The following PHF20L1 variants were observed in gnomAD, a reference collection of about 807,000 sequenced individuals.
The protein encoded by PHF20L1 is PHD finger protein 20-like protein 1.
Under a neutral mutation model 125.5 loss-of-function variants are expected in PHF20L1, and 44 were observed. That is an observed-to-expected ratio of 0.35 (90% confidence interval 0.28 to 0.45). The LOEUF (loss-of-function observed/expected upper bound fraction) is 0.45. Among genes scored for constraint, PHF20L1 ranks in the 20% least tolerant of loss-of-function variants. The pLI is 1.00. For synonymous variants in PHF20L1, 380 were observed against 403.1 expected (o/e 0.94, Z 0.69); for missense variants, 1,012 against 1,217.2 (o/e 0.83, Z 2.51).
intron 2 of PHF20L1, among the ~76,000 whole-genome samples, chr8:132,784,200 C>G (rs1343050395): frequency 1.3e-5 from 2 of 152,234 alleles, no homozygotes; most frequent in East Asian, 1.9e-4. Flanking sequence ...TGTTCTTGCT[C>G]TAGTGTTCTT....
intron 9 of PHF20L1, chr8:132,811,415 C>T: frequency 2.8e-6 from 3 of 1,065,432 alleles, no homozygotes; most frequent in Non-Finnish European, 3.4e-6. Context: ...CTTTAACTAG[C>T]TTACAAAAAG....
chr8:132,794,667 C>T (rs951925968), intron 3 of PHF20L1, 66 bp from the exon 4 acceptor site: 15 of 1,499,422 alleles, frequency 1.0e-5, no homozygotes, highest in East Asian at 2.3e-5. Context: ...TATACAAAAG[C>T]CTGTTTTTGT....
intron 8 of PHF20L1, 29 bp downstream of exon 8, chr8:132,804,769 G>C: frequency 6.4e-7 from 1 of 1,561,604 alleles, no homozygotes; most frequent in African/African-American, 1.4e-5. Flanking sequence ...TTTTTTGAGG[G>C]GGGGAAATGG....
intron 9 of PHF20L1, chr8:132,812,254 T>C: frequency 2.0e-6 from 2 of 983,780 alleles, no homozygotes; most frequent in Non-Finnish European, 2.4e-6. Flanking sequence ...CACCACTGTT[T>C]ATGGTATTCT....
At chr8:132,804,581 A>G in intron 7 of PHF20L1, 34 bp from the exon 8 acceptor site, 1 of 1,542,526 alleles carries the variant, frequency 6.5e-7, no homozygotes, top group Non-Finnish European at 8.8e-7. Context: ...TGGATTCTAG[A>G]TAAACTCTCA....
At chr8:132,826,537 C>T (rs1160415914) in intron 14 of PHF20L1, 2 of 151,984 alleles carry the variant, frequency 1.3e-5, no homozygotes, top group Admixed American at 1.3e-4. Flanking sequence ...ATCTCAGGAA[C>T]AAAATGGTAA....
chr8:132,839,625 G>C lies in PHF20L1; in HGVS notation c.2387+43G>C, dbSNP rs752001331. On this transcript the variant is annotated intron_variant, in intron 18 of 20. Transcript: ENST00000395386. ...AAGGGAGGGTCACACTTCAGTGGAC[G>C]TTTTAATTCAAACCAACACTGTTGG... The C allele has an allele frequency of 3.0e-5, 42 of 1,419,224 alleles. No individual in the cohort carries two copies. In the Admixed American group the frequency reaches 6.5e-4, roughly 22 times the overall value. The allele number at this position is 1,419,224 out of a possible 1,614,324, so 87.9% of individuals were successfully genotyped here.
At position 132,848,628 on chromosome 8, in the gene PHF20L1, T is replaced by C. The variant is rs1364193012; in HGVS notation, c.*2705T>C. ...TTGTTTGTGGTTCTACTGACTTATTTCCAAACTTAAGAGTAATGTACTTCG... is the reference window on the plus strand; with the variant it reads ...TTGTTTGTGGTTCTACTGACTTATTCCCAAACTTAAGAGTAATGTACTTCG... On this transcript the variant is annotated 3_prime_UTR_variant, in exon 21 of 21. Transcript: ENST00000395386. 1 of 152,522 alleles carries C rather than the reference T, an allele frequency of 6.6e-6. No individual in the cohort carries two copies. The highest frequency in any genetic ancestry group is 2.4e-5 in the African/African-American group (1 of 41,448). The allele number at this position is 152,522 out of a possible 1,614,324, so 9.4% of individuals were successfully genotyped here. A position where few individuals can be genotyped will look rare whatever the true frequency, so the allele number is the denominator to read the frequency against.
chr8:132,833,374 A>G (rs1387615557), intron 15 of PHF20L1, among the ~76,000 whole-genome samples: 1 of 152,050 alleles, frequency 6.6e-6, no homozygotes. Context: ...TTATTTTTAG[A>G]ACCTTGAGGT....
intron 12 of PHF20L1, chr8:132,817,777 C>A: frequency 4.8e-6 from 2 of 413,394 alleles, no homozygotes; most frequent in Non-Finnish European, 8.6e-6. Context: ...GTCACTTGAT[C>A]TATTTCCTTC....
rs1307557668 is a variant in PHF20L1 at position 132,848,254 on chromosome 8, T to C, written c.*2331T>C. On this transcript the variant is annotated 3_prime_UTR_variant, in exon 21 of 21. Transcript: ENST00000395386. The stretch of plus-strand genomic sequence containing the variant: ...CTTATATGTATACGAACTGGAAATC[T>C]GAATTTTTAAATTTAGATCTTTAAA... 1 of 152,336 alleles carries C rather than the reference T, an allele frequency of 6.6e-6. No homozygotes were observed. The highest frequency in any genetic ancestry group is 2.4e-5 in the African/African-American group (1 of 41,446). 9.4% of individuals were successfully genotyped at this position (152,336 alleles called of 1,614,324 possible).
At chr8:132,843,285 A>G in intron 19 of PHF20L1, 1 of 985,080 alleles carries the variant, frequency 1.0e-6, no homozygotes, top group Non-Finnish European at 1.2e-6. Context: ...AAAAAATTTT[A>G]GCATGTTTGT....
At position 132,814,825 on chromosome 8, in the gene PHF20L1, A is replaced by G. The variant is rs757244474; in HGVS notation, c.1119A>G (p.Glu373=). The change falls in exon 10 of 21, where the codon GAA becomes GAG. Residue 373 remains glutamate, a synonymous_variant. Transcript: ENST00000395386. The part of the protein sequence containing the change: ...IKPPKSPLSP[E]LIQVEDLTLV... ...CCCCTAAATCACCACTTTCCCCAGAATTAATACAAGTCGAGGATTTGACGC... is the reference window on the plus strand; with the variant it reads ...CCCCTAAATCACCACTTTCCCCAGAGTTAATACAAGTCGAGGATTTGACGC... The G allele has an allele frequency of 6.8e-6, 11 of 1,611,532 alleles. No individual in the cohort carries two copies. Among genetic ancestry groups the G allele is most frequent in the Non-Finnish European group, 9.3e-6 (11 of 1,177,914 alleles).
At chr8:132,776,640 T>C (rs1829812491) in intron 1 of PHF20L1, among the ~76,000 whole-genome samples, 1 of 152,216 alleles carries the variant, frequency 6.6e-6, no homozygotes, top group South Asian at 2.1e-4. Flanking sequence ...CCTATCAGAC[T>C]CTTTCAAAGA....
Position 132,839,287 on chromosome 8 carries a change from G to T in PHF20L1, c.2192-100G>T, listed in dbSNP as rs562899475. 9 of 865,424 alleles carry T rather than the reference G, an allele frequency of 1.0e-5. No individual in the cohort carries two copies. In the South Asian group the frequency reaches 1.4e-4, roughly 13 times the overall value. The allele number at this position is 865,424 out of a possible 1,614,324, so 53.6% of individuals were successfully genotyped here. A position where few individuals can be genotyped will look rare whatever the true frequency, so the allele number is the denominator to read the frequency against. On this transcript the variant is annotated intron_variant, in intron 17 of 20. Coordinates refer to ENST00000395386, the MANE Select transcript of PHF20L1 (RefSeq NM_016018.5). ...CTTTTTGAATCTGCTCCTAGTGCTAGAGCTTGCCTTGCTTAATGAGCAACG... is the reference window on the plus strand; with the variant it reads ...CTTTTTGAATCTGCTCCTAGTGCTATAGCTTGCCTTGCTTAATGAGCAACG...
At chr8:132,825,419 T>C (rs1836062738) in intron 14 of PHF20L1, 48 bp downstream of exon 14, 4 of 1,387,694 alleles carry the variant, frequency 2.9e-6, no homozygotes, top group Non-Finnish European at 3.8e-6. Flanking sequence ...AATTTGAAGT[T>C]TCCTTTGATT....
intron 20 of PHF20L1, among the ~76,000 whole-genome samples, chr8:132,845,511 TC>T (rs769310799): frequency 5.3e-5 from 8 of 152,048 alleles, no homozygotes; most frequent in Non-Finnish European, 1.0e-4. Context: ...ATATGTATTT[TC>T]CCCCTTATAT....
chr8:132,804,838 C>T, intron 8 of PHF20L1, 98 bp downstream of exon 8: 4 of 1,005,488 alleles, frequency 4.0e-6, no homozygotes, highest in Non-Finnish European at 5.9e-6. Flanking sequence ...GATTTAGTGT[C>T]ATGGACCTGT....
chr8:132,817,144 A>T (rs1835074961), intron 11 of PHF20L1, 68 bp downstream of exon 11: 1 of 1,015,168 alleles, frequency 9.9e-7, no homozygotes, highest in South Asian at 1.8e-5. Context: ...AGAGATAAAG[A>T]TTATTAAAAT....
Sources: allele counts gnomAD v4.1 joint callset (sites outside exome capture counted in the v4.1 genomes callset), GRCh38; gene constraint gnomAD v4.1.1; transcripts MANE v1.5; gene names NCBI Gene and HGNC (gene_info 2026-07-23, HGNC 2026-07-21).